Variants in SMC1B observed in about 807,000 individuals in gnomAD.
The protein encoded by SMC1B is structural maintenance of chromosomes protein 1B.
Under a neutral mutation model 157.9 loss-of-function variants are expected in SMC1B, and 60 were observed. That is an observed-to-expected ratio of 0.38 (90% CI 0.31 to 0.47). SMC1B has a LOEUF of 0.47. Among genes scored for constraint, SMC1B ranks in the 20% least tolerant of loss-of-function variants. The probability of loss-of-function intolerance (pLI) is 0.99; values close to 1 mark genes in which losing one functional copy is unlikely to be tolerated. For missense variants in SMC1B, 1,165 were observed against 1,426.2 expected, an observed-to-expected ratio of 0.82 and a Z score of 2.95; for synonymous variants, 445 against 483.0, an observed-to-expected ratio of 0.92 and a Z score of 1.03.
intron 22 of SMC1B, among the ~76,000 whole-genome samples, chr22:45,350,859 C>T (rs2086608652): frequency 6.6e-6 from 1 of 152,188 alleles, no homozygotes; most frequent in Admixed American, 6.5e-5. Context: ...GCCCAGTCAC[C>T]ATCGCCGTCT....
At chr22:45,395,663 G>A (rs982506581) in intron 7 of SMC1B, among the ~76,000 whole-genome samples, 2 of 152,152 alleles carry the variant, frequency 1.3e-5, no homozygotes, top group Non-Finnish European at 2.9e-5. Flanking sequence ...TTCAAGACCA[G>A]CCTGACCAAC....
At chr22:45,347,008 TCAAA>T (rs1200869764) in intron 23 of SMC1B, among the ~76,000 whole-genome samples, 2 of 152,196 alleles carry the variant, frequency 1.3e-5, no homozygotes, top group Non-Finnish European at 1.5e-5. Flanking sequence ...TAATTTTTCC[TCAAA>T]CAAATACCTT....
intron 2 of SMC1B, 143 bp from the exon 3 acceptor site, chr22:45,407,008 A>T: frequency 1.7e-6 from 1 of 590,218 alleles, no homozygotes; most frequent in Non-Finnish European, 2.8e-6. Context: ...GCATTTAATG[A>T]GTCAACAAAT....
chr22:45,377,210 C>A (rs553059892), intron 12 of SMC1B, among the ~76,000 whole-genome samples: 1 of 152,228 alleles, frequency 6.6e-6, no homozygotes, highest in South Asian at 2.1e-4. Flanking sequence ...CATTCCTGAT[C>A]ATGTATGTTT....
chr22:45,388,797 G>A (rs2087020032), intron 10 of SMC1B, among the ~76,000 whole-genome samples: 2 of 151,726 alleles, frequency 1.3e-5, no homozygotes, highest in Non-Finnish European at 2.9e-5. Context: ...CCAATGTGGA[G>A]AAACCCCGTC....
intron 5 of SMC1B, 93 bp from the exon 6 acceptor site, chr22:45,399,446 A>G (rs1429774271): frequency 2.0e-5 from 24 of 1,210,702 alleles, no homozygotes; most frequent in Non-Finnish European, 2.5e-5. Context: ...TTTAAAAAAG[A>G]AATCCTAAAA....
intron 21 of SMC1B, 68 bp downstream of exon 21, chr22:45,353,910 A>AAAC: frequency 2.9e-6 from 2 of 696,972 alleles, no homozygotes; most frequent in African/African-American, 3.4e-5. Flanking sequence ...AAAAAAAAAA[A>AAAC]AAAAAAAAAA....
intron 10 of SMC1B, 84 bp from the exon 11 acceptor site, chr22:45,387,130 T>C (rs2086997873): frequency 2.5e-6 from 3 of 1,179,488 alleles, no homozygotes; most frequent in Non-Finnish European, 2.4e-6. Context: ...ACAAAACATA[T>C]ATACGCATGG....
At chr22:45,345,246 T>C (rs1306487294) in intron 24 of SMC1B, among the ~76,000 whole-genome samples, 2 of 152,216 alleles carry the variant, frequency 1.3e-5, no homozygotes, top group African/African-American at 4.8e-5. Flanking sequence ...TGTTCTGCAA[T>C]TTTCCATTTG....
At chr22:45,392,481 TTGTGTG>T (rs136602) in intron 9 of SMC1B, among the ~76,000 whole-genome samples, 2 of 147,976 alleles carry the variant, frequency 1.4e-5, no homozygotes, top group Non-Finnish European at 3.0e-5. Context: ...TTTTAACTAG[TTGTGTG>T]TGTGTGTGTG....
At chr22:45,408,669 A>C in intron 2 of SMC1B, 41 bp downstream of exon 2, 1 of 1,404,396 alleles carries the variant, frequency 7.1e-7, no homozygotes, top group Non-Finnish European at 9.7e-7. Context: ...ATCTTACTTG[A>C]CTCTTGAAAA....
chr22:45,364,405 G>C (rs1327633387), intron 15 of SMC1B, among the ~76,000 whole-genome samples: 1 of 152,084 alleles, frequency 6.6e-6, no homozygotes, highest in Non-Finnish European at 1.5e-5. Context: ...TTAATGAGAG[G>C]TTACTATATA....
chr22:45,367,518 A>T (rs1010489495), intron 15 of SMC1B, among the ~76,000 whole-genome samples: 1 of 151,944 alleles, frequency 6.6e-6, no homozygotes, highest in Admixed American at 6.5e-5. Flanking sequence ...CTGAACAGCC[A>T]CTCTAATTTG....
At chr22:45,402,898 T>A (rs1374025386) in intron 4 of SMC1B, among the ~76,000 whole-genome samples, 2 of 152,204 alleles carry the variant, frequency 1.3e-5, no homozygotes, top group African/African-American at 4.8e-5. Context: ...TCCTCCTTTG[T>A]AAACTGAAAG....
intron 12 of SMC1B, among the ~76,000 whole-genome samples, chr22:45,374,472 G>A (rs1026054544): frequency 7.9e-5 from 12 of 152,138 alleles, no homozygotes; most frequent in African/African-American, 2.9e-4. Context: ...GAAAACTGGA[G>A]AGAGAAATAT....
chr22:45,356,347 G>C (rs1280548163), intron 19 of SMC1B, among the ~76,000 whole-genome samples: 2 of 152,154 alleles, frequency 1.3e-5, no homozygotes, highest in Admixed American at 1.3e-4. Flanking sequence ...TGTGATGAGG[G>C]GACAATTGCT....
chr22:45,364,633 C>G (rs1306660597), intron 15 of SMC1B, among the ~76,000 whole-genome samples: 1 of 152,112 alleles, frequency 6.6e-6, no homozygotes, highest in Admixed American at 6.5e-5. Context: ...GACCACACTG[C>G]CTGTAGGAGA....
At chr22:45,346,598 G>C (rs1256130628) in intron 23 of SMC1B, among the ~76,000 whole-genome samples, 2 of 152,204 alleles carry the variant, frequency 1.3e-5, no homozygotes, top group Non-Finnish European at 2.9e-5. Context: ...AGGAATGAGT[G>C]GCCATGTTTT....
At position 45,353,994 on chromosome 22, in the gene SMC1B, C is replaced by G; in HGVS notation, c.3257G>C (p.Arg1086Thr). 1.3e-6 allele frequency: 2 copies of G among 1,523,442 alleles called. No individual in the cohort carries two copies. Among genetic ancestry groups the G allele is most frequent in the South Asian group, 1.2e-5 (1 of 85,314 alleles). The allele number at this position is 1,523,442 out of a possible 1,614,324, so 94.4% of individuals were successfully genotyped here. A position where few individuals can be genotyped will look rare whatever the true frequency, so the allele number is the denominator to read the frequency against. Reference protein sequence around the residue: ...SIDQIYKKLCRNNSAQAFLSP... With the variant: ...SIDQIYKKLCTNNSAQAFLSP... ...GATACATACTTGGGCGCTGTTGTTT[C>G]TGCAGAGCTTCTTGTAGATTTGATC... Residue 1086 changes from arginine to threonine, a missense_variant, in exon 21 of 25, where the codon AGA becomes ACA. Arg to Thr is a moderately conservative substitution (Grantham distance 71). Transcript: ENST00000357450.
Sources: gnomAD v4.1 joint callset for allele counts (sites outside exome capture counted in the v4.1 genomes callset) on GRCh38, gnomAD v4.1.1 for gene constraint, MANE v1.5 for transcripts, NCBI Gene and HGNC (gene_info 2026-07-23, HGNC 2026-07-21) for gene names.